GALC: variants seen among roughly 807,000 people sequenced by gnomAD.
GALC encodes the protein galactocerebrosidase.
A neutral mutation model predicts 91.8 loss-of-function variants in GALC; 77 were observed. That is an observed-to-expected ratio of 0.84 (90% CI 0.70 to 1.01). The LOEUF (loss-of-function observed/expected upper bound fraction) is 1.01, where lower values mean the gene tolerates loss of function less well. Ranked by LOEUF, GALC falls within the 50% of genes least tolerant of loss-of-function variation. GALC has a pLI of 0.00. For missense variants in GALC, 882 were observed against 855.9 expected (o/e 1.03, Z -0.38); for synonymous variants, 357 against 306.7 (o/e 1.16, Z -1.71).
Position 87,963,533 on chromosome 14 carries a change from CA to C in GALC, c.1034-23del. On this transcript the variant is annotated intron_variant, in intron 9 of 16. Coordinates refer to ENST00000261304, the MANE Select transcript of GALC (RefSeq NM_000153.4). ...TGAGCTATAGAAAAACAGAAAGTTCCAAATAAGACAAAAATGGTAATAATAG... is the reference window on the plus strand; with the variant it reads ...TGAGCTATAGAAAAACAGAAAGTTCCAATAAGACAAAAATGGTAATAATAG... The C allele has an allele frequency of 1.9e-6, 3 of 1,597,160 alleles. No individual in the cohort carries two copies. In the East Asian group the frequency reaches 6.7e-5, roughly 36 times the overall value.
At position 87,949,850 on chromosome 14, in the gene GALC, G is replaced by C. The variant is rs760013580; in HGVS notation, c.1333C>G (p.Leu445Val). The C allele has an allele frequency of 6.5e-6, 10 of 1,546,902 alleles. No homozygotes were observed. Among genetic ancestry groups the C allele is most frequent in the Non-Finnish European group, 8.0e-6 (9 of 1,120,106 alleles). The change falls in exon 12 of 17, where the codon CTA (leucine) becomes GTA (valine). Residue 445 changes from leucine (L) to valine (V), a missense_variant. Coordinates refer to ENST00000261304, the MANE Select transcript of GALC (RefSeq NM_000153.4). ...AGAATTTACTTTAAAATTACCCATA[G>C]AGAATCCAGCTGCTTAAAAAGAAAT... Reference protein sequence around the residue: ...ERFLFKQLDSLWLLDSDGSFT... With the variant: ...ERFLFKQLDSVWLLDSDGSFT...
At chr14:87,968,250 A>G (rs1350426360) in intron 8 of GALC, 85 bp downstream of exon 8, 4 of 1,137,396 alleles carry the variant, frequency 3.5e-6, no homozygotes, top group Non-Finnish European at 5.1e-6. Flanking sequence ...TCTAGGCTGG[A>G]AGAATAAGGA....
rs778850146 is a variant in GALC, at chr14:87,941,413, T to A, written c.1816A>T (p.Arg606Trp). 3.1e-6 allele frequency: 5 copies of A among 1,603,454 alleles called. No individual in the cohort carries two copies. In the East Asian group the frequency reaches 1.1e-4, roughly 36 times the overall value. Residue 606 changes from arginine (R) to tryptophan (W), a missense_variant, in exon 15 of 17, where the codon AGG becomes TGG. Physicochemically the swap from Arg to Trp is moderately radical, Grantham distance 101. Transcript: ENST00000261304. ...CAGTTACCTAAATCACCTGTAACCC[T>A]GTAAGATCCATTTGCAAAAATCCAG... is the stretch of plus-strand genomic sequence containing the variant. The part of the protein sequence containing the change: ...FFWIFANGSY[R>W]VTGDLAGWII...
intron 12 of GALC, among the ~76,000 whole-genome samples, chr14:87,948,710 A>T (rs956328384): frequency 6.6e-6 from 1 of 152,040 alleles, no homozygotes; most frequent in Non-Finnish European, 1.5e-5. Flanking sequence ...TTGAAGAATA[A>T]CCCCAAATGA....
chr14:87,947,960 C>G (rs1885144545), intron 12 of GALC, 82 bp from the exon 13 acceptor site: 2 of 1,294,186 alleles, frequency 1.5e-6, no homozygotes, highest in Non-Finnish European at 2.2e-6. Flanking sequence ...AAAAAATTAG[C>G]TTAAAGAAAA....
intron 3 of GALC, chr14:87,987,910 A>C: frequency 1.9e-6 from 1 of 524,090 alleles, no homozygotes. Flanking sequence ...TTTACTACCG[A>C]TTACTTCAAC....
chr14:87,984,360 C>T, intron 5 of GALC, 34 bp downstream of exon 5: 1 of 1,585,138 alleles, frequency 6.3e-7, no homozygotes, highest in African/African-American at 1.4e-5. Context: ...AACAAATGTC[C>T]AAAACTGAAT....
In GALC at chr14:87,934,721, C is replaced by T. The variant is rs781620553; in HGVS notation, c.*11G>A. The T allele has an allele frequency of 1.9e-6, 3 of 1,612,758 alleles. No homozygotes were observed. In the Admixed American group the frequency reaches 5.0e-5, roughly 27 times the overall value. Reference sequence around the variant, plus strand: ...GAAAATCCAGAGTATTCTATGATGCCCTGTTAAGTATTAGCGTGTGGCTTC... The same window carrying T: ...GAAAATCCAGAGTATTCTATGATGCTCTGTTAAGTATTAGCGTGTGGCTTC... On this transcript the variant is annotated 3_prime_UTR_variant, in exon 17 of 17. Transcript: ENST00000261304.
chr14:87,934,348 AT>A lies in GALC; in HGVS notation c.*383del. On this transcript the variant is annotated 3_prime_UTR_variant, in exon 17 of 17. Transcript: ENST00000261304. The stretch of plus-strand genomic sequence containing the variant: ...TCACTTGGACACACGGTCAGCATGC[AT>A]AAATACATCTCAGTGATGATCAAGT... 1 of 1,270,082 alleles carries A rather than the reference AT, an allele frequency of 7.9e-7. No individual in the cohort carries two copies. The highest frequency in any genetic ancestry group is 1.0e-6 in the Non-Finnish European group (1 of 999,518). 78.7% of individuals were successfully genotyped at this position (1,270,082 alleles called of 1,614,324 possible).
At chr14:87,974,615 A>G (rs545623890) in intron 7 of GALC, among the ~76,000 whole-genome samples, 5 of 152,162 alleles carry the variant, frequency 3.3e-5, no homozygotes, top group Admixed American at 3.3e-4. Context: ...TATAACCAAA[A>G]GGTTATATAT....
At chr14:87,969,887 G>A (rs894788182) in intron 7 of GALC, among the ~76,000 whole-genome samples, 2 of 152,062 alleles carry the variant, frequency 1.3e-5, no homozygotes, top group African/African-American at 4.8e-5. Flanking sequence ...AACATAAAAA[G>A]AAGTATTAGA....
At chr14:87,989,069 C>A (rs1217463841) in intron 1 of GALC, among the ~76,000 whole-genome samples, 1 of 152,118 alleles carries the variant, frequency 6.6e-6, no homozygotes, top group African/African-American at 2.4e-5. Flanking sequence ...GGGTAGACAG[C>A]GCAGGGACCA....
In GALC at chr14:87,986,568, T is replaced by C. The variant is rs767742912; in HGVS notation, c.363A>G (p.Leu121=). The change falls in exon 4 of 17, where the codon CTA becomes CTG. Residue 121 remains leucine, a synonymous_variant. Coordinates refer to ENST00000261304, the MANE Select transcript of GALC (RefSeq NM_000153.4). ...CGTATCCTCGGAAATAATTCTCATC[T>C]AGTGCATAATGCATGTGGGAGGGCT... The part of the protein sequence containing the change: ...GTEPSHMHYA[L]DENYFRGYEW... 3 of 1,613,746 alleles carry C rather than the reference T, an allele frequency of 1.9e-6. No homozygotes were observed. Among genetic ancestry groups the C allele is most frequent in the East Asian group, 2.2e-5 (1 of 44,870 alleles).
chr14:87,950,646 C>T lies in GALC; in HGVS notation c.1251+13G>A. The T allele has an allele frequency of 1.3e-6, 2 of 1,482,366 alleles. No homozygotes were observed. The highest frequency in any genetic ancestry group is 9.4e-7 in the Non-Finnish European group (1 of 1,062,352). The allele number at this position is 1,482,366 out of a possible 1,614,324, so 91.8% of individuals were successfully genotyped here. On this transcript the variant is annotated intron_variant, in intron 11 of 16. Transcript: ENST00000261304. ...AAATCAAAACTAAAATAAAGTTAAA[C>T]ATATTTACTTACAAAAGATCCCTTA...
chr14:87,981,063 A>C (rs1368712777), intron 6 of GALC: 1 of 152,228 alleles, frequency 6.6e-6, no homozygotes, highest in Admixed American at 6.5e-5. Context: ...CCAAAAACCC[A>C]TCAATCAGTA....
intron 10 of GALC, chr14:87,963,123 T>C: frequency 4.7e-6 from 2 of 426,080 alleles, no homozygotes; most frequent in South Asian, 2.1e-5. Flanking sequence ...CAAATATTGG[T>C]ACACAGGTAA....
At position 87,939,926 on chromosome 14, in the gene GALC, A is replaced by T. The variant is rs1057516453; in HGVS notation, c.1890T>A (p.Tyr630Ter). Residue 630 changes from tyrosine (Y) to a stop codon, truncating the protein, a stop_gained, in exon 16 of 17, where the codon TAT becomes TAA. Coordinates refer to ENST00000261304, the MANE Select transcript of GALC (RefSeq NM_000153.4). LOFTEE classifies it low-confidence loss of function (END_TRUNC). ...GRVEVTAKKW[Y>*]TLTLTIKGHF... ...TTACCTTAATAGTTAACGTGAGTGT[A>T]TACCATTTTTTTGCTGTAACTTCAA... The T allele has an allele frequency of 3.7e-6, 6 of 1,610,080 alleles. No individual in the cohort carries two copies. In the South Asian group the frequency reaches 5.5e-5, roughly 15 times the overall value.
chr14:87,937,553 A>T (rs1406941183), intron 16 of GALC, among the ~76,000 whole-genome samples: 2 of 151,928 alleles, frequency 1.3e-5, no homozygotes, highest in Non-Finnish European at 2.9e-5. Context: ...TAGTAGCAAG[A>T]CAAGAGCCAA....
chr14:87,976,396 G>A lies in GALC; in HGVS notation c.714C>T (p.Leu238=), dbSNP rs748497197. The stretch of plus-strand genomic sequence containing the variant: ...CCACCTTGAAGAGTTCGGCATCAAG[G>A]AGCATGGATGCAGAGATGGACTCCC... ...NLWESISASM[L]LDAELFKVVD... The change falls in exon 7 of 17, where the codon CTC becomes CTT. Residue 238 remains leucine (L), a synonymous_variant. Transcript: ENST00000261304. 1.2e-5 allele frequency: 20 copies of A among 1,613,914 alleles called. No individual in the cohort carries two copies. In the East Asian group the frequency reaches 3.8e-4, roughly 31 times the overall value.
Sources: allele counts gnomAD v4.1 joint callset (sites outside exome capture counted in the v4.1 genomes callset), GRCh38; gene constraint gnomAD v4.1.1; transcripts MANE v1.5; gene names NCBI Gene and HGNC (gene_info 2026-07-23, HGNC 2026-07-21).